The following KL variants were observed in gnomAD, a reference collection of about 807,000 sequenced individuals.
The protein encoded by KL is klotho.
Under a neutral mutation model 84.2 loss-of-function variants are expected in KL, and 62 were observed. The observed-to-expected ratio is 0.74, with a 90% CI of 0.60 to 0.91. KL has a LOEUF of 0.91. Ranked by LOEUF, KL falls within the 40% of genes least tolerant of loss-of-function variation. The probability of loss-of-function intolerance (pLI) is 0.00; values close to 1 mark genes in which losing one functional copy is unlikely to be tolerated. For synonymous variants in KL, 528 were observed against 528.0 expected, an observed-to-expected ratio of 1.00 and a Z score of 0.00; for missense variants, 1,261 against 1,305.7, an observed-to-expected ratio of 0.97 and a Z score of 0.53.
At position 33,054,093 on chromosome 13, in the gene KL, T is replaced by C; in HGVS notation, c.1146T>C (p.Pro382=). 6.2e-7 allele frequency: 1 copy of C among 1,614,114 alleles called. No individual in the cohort carries two copies. Among genetic ancestry groups the C allele is most frequent in the Non-Finnish European group, 8.5e-7 (1 of 1,180,012 alleles). ...CCTTGAGTTTTCAACTTTTGGACCCTCACATGAAGTTCCGCCAATTGGAAT... is the reference window on the plus strand; with the variant it reads ...CCTTGAGTTTTCAACTTTTGGACCCCCACATGAAGTTCCGCCAATTGGAAT... ...GPTLSFQLLD[P]HMKFRQLESP... The change falls in exon 2 of 5, where the codon CCT becomes CCC. Residue 382 remains proline (P), a synonymous_variant. Coordinates refer to ENST00000380099, the MANE Select transcript of KL (RefSeq NM_004795.4).
chr13:33,028,131 T>C (rs536936005), intron 1 of KL, among the ~76,000 whole-genome samples: 1 of 152,172 alleles, frequency 6.6e-6, no homozygotes, highest in Non-Finnish European at 1.5e-5. Context: ...CCTGCATTAG[T>C]TCCCCTGCCA....
chr13:33,059,325 T>TTTTAAAATTTTATTTGGG (rs1872084944), intron 3 of KL, among the ~76,000 whole-genome samples: 1 of 152,234 alleles, frequency 6.6e-6, no homozygotes, highest in Non-Finnish European at 1.5e-5. Flanking sequence ...GAGGATTTTA[T>TTTTAAAATTTTATTTGGG]AGCATATGAT....
In KL at chr13:33,016,596, G is replaced by A; in HGVS notation, c.156G>A (p.Glu52=). The A allele has an allele frequency of 4.0e-6, 6 of 1,504,402 alleles. No individual in the cohort carries two copies. Among genetic ancestry groups the A allele is most frequent in the Non-Finnish European group, 5.3e-6 (6 of 1,126,674 alleles). 93.2% of individuals were successfully genotyped at this position (1,504,402 alleles called of 1,614,324 possible). A position where few individuals can be genotyped will look rare whatever the true frequency, so the allele number is the denominator to read the frequency against. ...GTTTCTCGCGGCCTCCTGCCCCCGA[G>A]GCCGCGGGCCTCTTCCAGGGCACCT... ...WARFSRPPAP[E]AAGLFQGTFP... The change falls in exon 1 of 5, where the codon GAG becomes GAA. Residue 52 remains glutamate (E), a synonymous_variant. Coordinates refer to ENST00000380099, the MANE Select transcript of KL (RefSeq NM_004795.4).
intron 1 of KL, among the ~76,000 whole-genome samples, chr13:33,047,062 CAT>C (rs1467668094): frequency 6.6e-6 from 1 of 152,132 alleles, no homozygotes; most frequent in Non-Finnish European, 1.5e-5. Flanking sequence ...TCTGGTCTAA[CAT>C]ATGATCTATC....
chr13:33,038,188 A>C (rs778244643), intron 1 of KL, among the ~76,000 whole-genome samples: 2 of 152,268 alleles, frequency 1.3e-5, no homozygotes, highest in African/African-American at 2.4e-5. Context: ...AAATAACTTT[A>C]CATTCAAAAC....
chr13:33,031,379 T>C (rs1398490140), intron 1 of KL, among the ~76,000 whole-genome samples: 2 of 152,102 alleles, frequency 1.3e-5, no homozygotes, highest in Non-Finnish European at 2.9e-5. Flanking sequence ...GGTGAAAAAG[T>C]AGACTCAACA....
chr13:33,021,432 G>A (rs1870570393), intron 1 of KL, among the ~76,000 whole-genome samples: 1 of 152,152 alleles, frequency 6.6e-6, no homozygotes, highest in African/African-American at 2.4e-5. Context: ...AAAGTCTCCT[G>A]GCCAGCTTTA....
chr13:33,054,949 T>A (rs1871897779), intron 2 of KL, 98 bp from the exon 3 acceptor site: 1 of 1,485,972 alleles, frequency 6.7e-7, no homozygotes, highest in Middle Eastern at 2.1e-4. Context: ...AGCATTACAC[T>A]TTATTTATTT....
At chr13:33,050,676 C>A (rs7323805) in intron 1 of KL, among the ~76,000 whole-genome samples, 1,598 of 152,292 alleles carry the variant, frequency 0.01, 39 homozygotes, top group African/African-American at 0.035. Flanking sequence ...GGTGCCATGC[C>A]TGGGATGACC....
chr13:33,051,242 G>C (rs868548805), intron 1 of KL, among the ~76,000 whole-genome samples: 24 of 152,286 alleles, frequency 1.6e-4, no homozygotes, highest in South Asian at 6.2e-4. Context: ...GCCAACTCAA[G>C]AGTGACGAAG....
At chr13:33,055,006 G>C (rs765044587) in intron 2 of KL, 41 bp from the exon 3 acceptor site, 2 of 1,613,886 alleles carry the variant, frequency 1.2e-6, no homozygotes, top group Admixed American at 3.3e-5. Context: ...CAAGTGCCCA[G>C]CGAAGGGTCA....
intron 1 of KL, among the ~76,000 whole-genome samples, chr13:33,039,120 GTCTA>G (rs1182500855): frequency 2.0e-5 from 3 of 152,068 alleles, no homozygotes; most frequent in African/African-American, 7.2e-5. Context: ...ACTGTACGTG[GTCTA>G]TCTATAGCTA....
chr13:33,018,716 C>G (rs1023913038), intron 1 of KL, among the ~76,000 whole-genome samples: 2 of 152,080 alleles, frequency 1.3e-5, no homozygotes, highest in Non-Finnish European at 2.9e-5. Context: ...AAAACATAAG[C>G]AAGTTATCAG....
In KL at chr13:33,051,228, T is replaced by C. The variant is rs1871737148; in HGVS notation, c.820-2539T>C. 3.3e-5 allele frequency among the ~76,000 whole-genome samples: 5 copies of C among 152,252 alleles called. No homozygotes were observed. In the South Asian group the frequency reaches 1.0e-3, roughly 32 times the overall value. The stretch of plus-strand genomic sequence containing the variant: ...AGATTTACCTGCCCAAATTAAGGAA[T>C]GTGGCCAACTCAAGAGTGACGAAGG... On this transcript the variant is annotated intron_variant, in intron 1 of 4. Transcript: ENST00000380099.
rs1351281515 is a variant in KL at position 33,058,227 on chromosome 13, AG to A, written c.1600-2451del. ...TAACATACTAAATACATGTTTTAAT[AG>A]CCGTTCCTTCTGAAAGGTCCAACTT... On this transcript the variant is annotated intron_variant, in intron 3 of 4. Transcript: ENST00000380099. Among the ~76,000 whole-genome samples the A allele has an allele frequency of 5.9e-5, 9 of 152,312 alleles. No homozygotes were observed. The East Asian group carries it at 1.7e-3, about 29-fold the overall frequency.
intron 4 of KL, among the ~76,000 whole-genome samples, chr13:33,062,297 C>T (rs1486491398): frequency 6.6e-6 from 1 of 151,698 alleles, no homozygotes; most frequent in Non-Finnish European, 1.5e-5. Flanking sequence ...GGGAGGATTG[C>T]TTGAGCTTGG....
chr13:33,044,996 C>A lies in KL; in HGVS notation c.820-8771C>A, dbSNP rs549960197. Among the ~76,000 whole-genome samples, 29 of 152,042 alleles carry A rather than the reference C, an allele frequency of 1.9e-4. 1 individual carries two copies. The highest frequency in any genetic ancestry group is 3.9e-4 in the African/African-American group (16 of 41,460). ...TGTTTTTCCCTTTTCAATCAACATG[C>A]CTTTTATGTTTTTATTTGCCTTACT... On this transcript the variant is annotated intron_variant, in intron 1 of 4. Coordinates refer to ENST00000380099, the MANE Select transcript of KL (RefSeq NM_004795.4).
intron 1 of KL, among the ~76,000 whole-genome samples, chr13:33,018,325 T>G (rs780458717): frequency 1.2e-4 from 19 of 152,254 alleles, no homozygotes; most frequent in Admixed American, 2.0e-4. Context: ...AGCCACATAT[T>G]CTGAACAAAG....
rs1871897408 is a variant in KL at position 33,054,941 on chromosome 13, C to T, written c.1331-106C>T. 3.4e-5 allele frequency: 47 copies of T among 1,396,740 alleles called. No individual in the cohort carries two copies. In the South Asian group the frequency reaches 5.3e-4, roughly 16 times the overall value. 86.5% of individuals were successfully genotyped at this position (1,396,740 alleles called of 1,614,324 possible). A position where few individuals can be genotyped will look rare whatever the true frequency, so the allele number is the denominator to read the frequency against. On this transcript the variant is annotated intron_variant, in intron 2 of 4. Transcript: ENST00000380099. ...AATCATTGGCTTACCAAACGAGAAGCATTACACTTTATTTATTTAAGTAGG... is the reference window on the plus strand; with the variant it reads ...AATCATTGGCTTACCAAACGAGAAGTATTACACTTTATTTATTTAAGTAGG...
Sources: allele counts gnomAD v4.1 joint callset (sites outside exome capture counted in the v4.1 genomes callset), GRCh38; gene constraint gnomAD v4.1.1; transcripts MANE v1.5; gene names NCBI Gene and HGNC (gene_info 2026-07-23, HGNC 2026-07-21).